SERINC5: variants seen among roughly 807,000 people sequenced by gnomAD.
SERINC5 encodes the protein serine incorporator 5.
In SERINC5, 41 loss-of-function variants were observed where a neutral mutation model predicts 63.1. That is an observed-to-expected ratio of 0.65 (90% confidence interval 0.51 to 0.84). The LOEUF is 0.84. Ranked by LOEUF, SERINC5 falls within the 40% of genes least tolerant of loss-of-function variation. The probability of loss-of-function intolerance (pLI) is 0.00; values close to 1 mark genes in which losing one functional copy is unlikely to be tolerated. For synonymous variants in SERINC5, 222 were observed against 215.2 expected, an observed-to-expected ratio of 1.03 and a Z score of -0.28; for missense variants, 523 against 573.0, an observed-to-expected ratio of 0.91 and a Z score of 0.89.
Position 80,146,158 on chromosome 5 carries a change from G to A in SERINC5, c.1170C>T (p.Tyr390=), listed in dbSNP as rs759897742. 2.0e-5 allele frequency: 33 copies of A among 1,613,924 alleles called. No homozygotes were observed. The highest frequency in any genetic ancestry group is 2.8e-5 in the Non-Finnish European group (33 of 1,179,874). The change falls in exon 11 of 12, where the codon TAC becomes TAT. Residue 390 remains tyrosine, a synonymous_variant. Coordinates refer to ENST00000507668, the MANE Select transcript of SERINC5 (RefSeq NM_001174072.3). ...GGAAGAACACGAAGTGGAAGTAGGA[G>A]TAGATGTAGACGGTGCCTTTCTTCT... The part of the protein sequence containing the change: ...YDEKKGTVYI[Y]SYFHFVFFLA...
chr5:80,193,966 C>G (rs1408696904), intron 2 of SERINC5, among the ~76,000 whole-genome samples: 1 of 152,120 alleles, frequency 6.6e-6, no homozygotes, highest in Admixed American at 6.5e-5. Flanking sequence ...AGCCAGCTCC[C>G]CAGAGGAAAA....
chr5:80,197,402 C>A (rs1749582223), intron 2 of SERINC5, among the ~76,000 whole-genome samples: 1 of 132,980 alleles, frequency 7.5e-6, no homozygotes, highest in Non-Finnish European at 1.6e-5. Flanking sequence ...TGTATGATTC[C>A]ATTTATACGA....
chr5:80,234,594 T>G (rs1241205047), intron 1 of SERINC5, among the ~76,000 whole-genome samples: 2 of 152,172 alleles, frequency 1.3e-5, no homozygotes, highest in African/African-American at 2.4e-5. Flanking sequence ...CATGATGAAT[T>G]TCGCACATTT....
At chr5:80,116,189 A>C (rs1744315872) in intron 11 of SERINC5, 2 of 406,156 alleles carry the variant, frequency 4.9e-6, no homozygotes, top group South Asian at 3.6e-5. Flanking sequence ...CCTGGAGAAA[A>C]GGCAAGCTGT....
intron 1 of SERINC5, among the ~76,000 whole-genome samples, chr5:80,242,507 A>AT (rs58356328): frequency 1 from 152,300 of 152,300 alleles, 76,150 homozygotes; most frequent in Non-Finnish European, 1. Context: ...TAATCCCAGC[A>AT]TTTGGGAGGC....
At chr5:80,255,488 G>A (rs747475635) in intron 1 of SERINC5, among the ~76,000 whole-genome samples, 14 of 152,168 alleles carry the variant, frequency 9.2e-5, no homozygotes, top group African/African-American at 3.1e-4. Flanking sequence ...CATAGCAAAG[G>A]AGACGGTGCC....
chr5:80,152,920 C>T (rs1310614907), intron 8 of SERINC5, among the ~76,000 whole-genome samples: 9 of 152,056 alleles, frequency 5.9e-5, no homozygotes, highest in Admixed American at 2.6e-4. Flanking sequence ...CTAGCCTGGG[C>T]GAGAAAGTGA....
rs6875979 is a variant in SERINC5 at position 80,177,260 on chromosome 5, T to A, written c.457+55A>T. 2,765 of 1,317,306 alleles carry A rather than the reference T, an allele frequency of 2.1e-3. 43 individuals carry two copies. In the African/African-American group the frequency reaches 0.035, roughly 17 times the overall value. The allele number at this position is 1,317,306 out of a possible 1,614,324, so 81.6% of individuals were successfully genotyped here. On this transcript the variant is annotated intron_variant, in intron 4 of 11. Coordinates refer to ENST00000507668, the MANE Select transcript of SERINC5 (RefSeq NM_001174072.3). The stretch of plus-strand genomic sequence containing the variant: ...ACTTTGGACTGCGCTTCTGAGCAAT[T>A]TGACAAAATGGGTAAAAACAAAATA...
At chr5:80,192,254 G>A (rs987507480) in intron 2 of SERINC5, among the ~76,000 whole-genome samples, 3 of 152,164 alleles carry the variant, frequency 2.0e-5, no homozygotes, top group Admixed American at 2.0e-4. Flanking sequence ...AAAAGCAAGT[G>A]ACAACTGGTG....
intron 1 of SERINC5, among the ~76,000 whole-genome samples, chr5:80,229,500 T>C (rs1394256402): frequency 6.6e-6 from 1 of 152,186 alleles, no homozygotes; most frequent in Non-Finnish European, 1.5e-5. Context: ...ACATTGAACA[T>C]TCATTGTTTA....
intron 11 of SERINC5, 98 bp from the exon 12 acceptor site, chr5:80,143,908 T>C: frequency 7.5e-7 from 1 of 1,338,510 alleles, no homozygotes; most frequent in Non-Finnish European, 1.0e-6. Flanking sequence ...TCAACGGCTT[T>C]CAATGTATTC....
chr5:80,255,425 C>A (rs1011775489), intron 1 of SERINC5, among the ~76,000 whole-genome samples: 6 of 152,122 alleles, frequency 3.9e-5, no homozygotes, highest in Non-Finnish European at 8.8e-5. Flanking sequence ...CGCTCGACTA[C>A]GAGATGCCAA....
intron 1 of SERINC5, among the ~76,000 whole-genome samples, chr5:80,247,276 T>C (rs890430985): frequency 3.9e-5 from 6 of 152,176 alleles, no homozygotes; most frequent in African/African-American, 1.4e-4. Flanking sequence ...TACATTAAAA[T>C]ACCTGGAAAA....
At chr5:80,149,269 G>T (rs1049349404) in intron 9 of SERINC5, among the ~76,000 whole-genome samples, 4 of 152,164 alleles carry the variant, frequency 2.6e-5, no homozygotes, top group Admixed American at 2.6e-4. Flanking sequence ...CTAGTCAATG[G>T]TGAGAATAAA....
At chr5:80,143,935 T>A in intron 11 of SERINC5, 125 bp from the exon 12 acceptor site, 1 of 1,137,608 alleles carries the variant, frequency 8.8e-7, no homozygotes, top group Non-Finnish European at 1.2e-6. Context: ...AGACTTGTGC[T>A]ACCATCAACA....
chr5:80,198,861 G>T (rs1459828544), intron 2 of SERINC5, among the ~76,000 whole-genome samples: 2 of 152,184 alleles, frequency 1.3e-5, no homozygotes, highest in Admixed American at 1.3e-4. Context: ...CAAACCATTT[G>T]TAAATAGGTA....
At chr5:80,227,814 A>C (rs1023393242) in intron 1 of SERINC5, among the ~76,000 whole-genome samples, 8 of 152,054 alleles carry the variant, frequency 5.3e-5, no homozygotes, top group African/African-American at 1.7e-4. Flanking sequence ...GTGCCACTGC[A>C]CTCCAACCTG....
intron 1 of SERINC5, among the ~76,000 whole-genome samples, chr5:80,245,952 A>C (rs971981671): frequency 8.2e-6 from 1 of 121,862 alleles, no homozygotes; most frequent in Non-Finnish European, 1.7e-5. Flanking sequence ...TACTTTAGGG[A>C]TTGTCAGCTC....
chr5:80,154,693 T>C (rs543804690), intron 8 of SERINC5, among the ~76,000 whole-genome samples: 1 of 152,134 alleles, frequency 6.6e-6, no homozygotes, highest in Non-Finnish European at 1.5e-5. Flanking sequence ...GGCAATGCTA[T>C]CACACCAACC....
Sources: gnomAD v4.1 joint callset for allele counts (sites outside exome capture counted in the v4.1 genomes callset) on GRCh38, gnomAD v4.1.1 for gene constraint, MANE v1.5 for transcripts, NCBI Gene and HGNC (gene_info 2026-07-23, HGNC 2026-07-21) for gene names.